Variants in SRGAP3 observed in about 807,000 individuals in gnomAD.
SRGAP3 encodes SLIT-ROBO Rho GTPase activating protein 3.
A neutral mutation model predicts 121.1 loss-of-function variants in SRGAP3; 39 were observed. The observed-to-expected ratio is 0.32, with a 90% CI of 0.25 to 0.42. The LOEUF is 0.42. SRGAP3 is among the 10% of genes least tolerant of loss of function. SRGAP3 has a pLI of 1.00. For missense variants in SRGAP3, 1,213 were observed against 1,470.6 expected, an observed-to-expected ratio of 0.82 and a Z score of 2.86; for synonymous variants, 601 against 570.0, an observed-to-expected ratio of 1.05 and a Z score of -0.77.
At chr3:9,038,246 G>A (rs550156518) in intron 10 of SRGAP3, among the ~76,000 whole-genome samples, 156 bp from the exon 11 acceptor site, 2 of 152,262 alleles carry the variant, frequency 1.3e-5, no homozygotes, top group East Asian at 1.9e-4. Context: ...AAAGAACTGC[G>A]TCTTATTAAT....
chr3:9,308,085 G>A lies in SRGAP3; in HGVS notation n.442+17925C>T, dbSNP rs146163111. Among the ~76,000 whole-genome samples the A allele has an allele frequency of 4.0e-3, 613 of 152,314 alleles. 4 individuals are homozygous for A. The highest frequency in any genetic ancestry group is 0.014 in the African/African-American group (577 of 41,568). ...CAGGAGAATCACTTGAACCCGGGAGGCATAAGTTACAGTGAGCTGAGATCA... is the reference window on the plus strand; with the variant it reads ...CAGGAGAATCACTTGAACCCGGGAGACATAAGTTACAGTGAGCTGAGATCA... On this transcript the variant is annotated intron_variant and non_coding_transcript_variant, in intron 3 of 3. Coordinates refer to the SRGAP3 transcript ENST00000490889.
At chr3:9,323,830 T>TACACACACAC (rs1955474486) in intron 3 of SRGAP3, among the ~76,000 whole-genome samples, 1 of 101,974 alleles carries the variant, frequency 9.8e-6, no homozygotes, top group African/African-American at 3.9e-5. Context: ...CACACACACT[T>TACACACACAC]ATTCATATAT....
intron 5 of SRGAP3, 49 bp downstream of exon 5, chr3:9,064,347 C>T: frequency 1.2e-6 from 2 of 1,612,616 alleles, no homozygotes. Flanking sequence ...CATGGCCCTC[C>T]CCTTTGTGCC....
intron 14 of SRGAP3, among the ~76,000 whole-genome samples, chr3:9,020,299 C>T (rs898721366): frequency 1.3e-5 from 2 of 152,022 alleles, no homozygotes; most frequent in Non-Finnish European, 2.9e-5. Context: ...TCATCCTTTA[C>T]AGTAGAATCT....
intron 1 of SRGAP3, chr3:9,217,919 G>C (rs1466160246): frequency 6.6e-6 from 1 of 152,098 alleles, no homozygotes; most frequent in African/African-American, 2.4e-5. Flanking sequence ...TGCCCCCACT[G>C]CATCTGGCTC....
intron 10 of SRGAP3, among the ~76,000 whole-genome samples, chr3:9,043,469 G>C (rs952511160): frequency 2.0e-5 from 3 of 152,054 alleles, no homozygotes; most frequent in East Asian, 1.9e-4. Flanking sequence ...AACAGAAGGG[G>C]GCAGGTAGAA....
intron 3 of SRGAP3, among the ~76,000 whole-genome samples, chr3:9,259,312 C>T (rs1018278016): frequency 1.3e-5 from 2 of 151,898 alleles, no homozygotes; most frequent in Non-Finnish European, 2.9e-5. Context: ...AGGGTCATGC[C>T]CTGTCACCCA....
intron 2 of SRGAP3, among the ~76,000 whole-genome samples, chr3:9,114,659 CA>C (rs1948741122): frequency 6.6e-6 from 1 of 151,454 alleles, no homozygotes; most frequent in Non-Finnish European, 1.5e-5. Context: ...GGTATCAGAG[CA>C]AAAAACTCTG....
chr3:9,073,234 C>T (rs1476195806), intron 4 of SRGAP3, among the ~76,000 whole-genome samples: 1 of 152,332 alleles, frequency 6.6e-6, no homozygotes, highest in East Asian at 1.9e-4. Flanking sequence ...GTCTTCACCT[C>T]CCAAGCTCAG....
chr3:9,064,359 T>C lies in SRGAP3; in HGVS notation c.672+37A>G, dbSNP rs1212229688. 7.4e-6 allele frequency: 12 copies of C among 1,613,792 alleles called. No individual in the cohort carries two copies. In the East Asian group the frequency reaches 2.2e-4, roughly 30 times the overall value. On this transcript the variant is annotated intron_variant, in intron 5 of 21. Transcript: ENST00000383836. ...GACCATGGCCCTCCCCTTTGTGCCC[T>C]GTCCCCAATCGCTCCCAGCCCAGGG...
At chr3:9,340,525 C>T (rs997289750) in intron 1 of SRGAP3, among the ~76,000 whole-genome samples, 1 of 152,198 alleles carries the variant, frequency 6.6e-6, no homozygotes, top group Admixed American at 6.5e-5. Flanking sequence ...GTGCTAGAGA[C>T]TCACATGCCC....
rs148182526 is a variant in SRGAP3, at chr3:9,052,176, G to C, written c.1323+851C>G. On this transcript the variant is annotated intron_variant, in intron 9 of 21. Transcript: ENST00000383836. ...GAAAGAATCAAATACATTTAGCCTA[G>C]AGAAATGAAATCCCAGCTCCCTGCA... Among the ~76,000 whole-genome samples the C allele has an allele frequency of 3.9e-4, 60 of 152,310 alleles. No homozygotes were observed. In the Middle Eastern group the frequency reaches 0.027, roughly 69 times the overall value.
chr3:9,221,267 A>G (rs1249335515), intron 1 of SRGAP3, among the ~76,000 whole-genome samples: 2 of 152,206 alleles, frequency 1.3e-5, no homozygotes, highest in South Asian at 2.1e-4. Context: ...AGGCATGCTC[A>G]TGCTTGTCAT....
Position 8,993,161 on chromosome 3 carries a change from G to C in SRGAP3, c.2409-106C>G. ...AGGGGCTGAATTAACACAACTTATG[G>C]TTACTTTGTGCCCACAGCGCTTGCT... On this transcript the variant is annotated intron_variant, in intron 19 of 21. Coordinates refer to ENST00000383836, the MANE Select transcript of SRGAP3 (RefSeq NM_014850.4). 4.5e-6 allele frequency: 7 copies of C among 1,559,610 alleles called. No individual in the cohort carries two copies. The South Asian group carries it at 8.0e-5, about 18-fold the overall frequency.
At chr3:9,028,124 T>C in intron 12 of SRGAP3, 1 of 1,614,198 alleles carries the variant, frequency 6.2e-7, no homozygotes, top group Non-Finnish European at 8.5e-7. Context: ...GAGCATTTCT[T>C]CTTCCTCTGA....
chr3:9,346,542 G>A (rs1955893981), intron 1 of SRGAP3, among the ~76,000 whole-genome samples: 1 of 152,070 alleles, frequency 6.6e-6, no homozygotes, highest in Non-Finnish European at 1.5e-5. Flanking sequence ...TTTAGGGTAG[G>A]TATATCTTGG....
intron 3 of SRGAP3, among the ~76,000 whole-genome samples, chr3:9,311,221 C>T (rs371935734): frequency 2.0e-5 from 3 of 151,538 alleles, no homozygotes; most frequent in Admixed American, 2.0e-4. Context: ...ACAAAGGACA[C>T]CTGAATTTCC....
chr3:9,304,260 C>T (rs978785863), intron 3 of SRGAP3, among the ~76,000 whole-genome samples: 1 of 152,168 alleles, frequency 6.6e-6, no homozygotes, highest in South Asian at 2.1e-4. Flanking sequence ...AAACACTTGC[C>T]TAATGAAAGC....
At chr3:9,211,273 T>TA (rs911616848) in intron 1 of SRGAP3, among the ~76,000 whole-genome samples, 2 of 152,198 alleles carry the variant, frequency 1.3e-5, no homozygotes, top group African/African-American at 4.8e-5. Flanking sequence ...CAGCTGAAGA[T>TA]ACCACATCTG....
Sources: allele counts gnomAD v4.1 joint callset (sites outside exome capture counted in the v4.1 genomes callset), GRCh38; gene constraint gnomAD v4.1.1; transcripts MANE v1.5; gene names NCBI Gene and HGNC (gene_info 2026-07-23, HGNC 2026-07-21).